Variants in CSMD3 observed in about 807,000 individuals in gnomAD.
CSMD3 encodes CUB and sushi domain-containing protein 3.
CSMD3 carries 177 observed loss-of-function variants against 435.2 expected under a neutral mutation model. The ratio of observed to expected loss-of-function variants is 0.41; its 90% CI spans 0.36 to 0.46. The LOEUF is 0.46. Among genes scored for constraint, CSMD3 ranks in the 20% least tolerant of loss-of-function variants. The pLI is 0.34. For missense variants in CSMD3, 4,265 were observed against 4,504.6 expected (o/e 0.95, Z 1.52); for synonymous variants, 1,656 against 1,520.5 (o/e 1.09, Z -2.07).
At chr8:112,451,446 T>C (rs1004227956) in intron 32 of CSMD3, among the ~76,000 whole-genome samples, 8 of 152,000 alleles carry the variant, frequency 5.3e-5, no homozygotes, top group African/African-American at 1.9e-4. Context: ...AAAGTAAAAG[T>C]TTTTTTTACA....
chr8:112,533,842 C>T (rs1175886535), intron 27 of CSMD3, among the ~76,000 whole-genome samples: 1 of 152,052 alleles, frequency 6.6e-6, no homozygotes, highest in Non-Finnish European at 1.5e-5. Context: ...GCACCAGGAA[C>T]ATTCTCTGAG....
chr8:112,490,951 A>T (rs1820628523), intron 31 of CSMD3, among the ~76,000 whole-genome samples: 1 of 152,106 alleles, frequency 6.6e-6, no homozygotes, highest in Non-Finnish European at 1.5e-5. Context: ...TTGCCTTCTG[A>T]TAGATGAACC....
At chr8:113,241,023 A>G (rs1036563001) in intron 3 of CSMD3, among the ~76,000 whole-genome samples, 2 of 152,268 alleles carry the variant, frequency 1.3e-5, no homozygotes, top group African/African-American at 4.8e-5. Flanking sequence ...TGGTAGAAAC[A>G]TATTATCAAG....
At chr8:112,924,295 G>A (rs575008291) in intron 9 of CSMD3, among the ~76,000 whole-genome samples, 4 of 152,148 alleles carry the variant, frequency 2.6e-5, no homozygotes, top group African/African-American at 9.7e-5. Context: ...GAGATGTTAT[G>A]ATGGCAACAA....
At chr8:113,242,706 T>C (rs2132253036) in intron 3 of CSMD3, among the ~76,000 whole-genome samples, 1 of 152,158 alleles carries the variant, frequency 6.6e-6, no homozygotes, top group South Asian at 2.1e-4. Context: ...TATGCAATTT[T>C]TAAACATGAA....
intron 27 of CSMD3, among the ~76,000 whole-genome samples, chr8:112,523,461 G>A (rs1824521198): frequency 6.6e-6 from 1 of 151,902 alleles, no homozygotes; most frequent in Non-Finnish European, 1.5e-5. Flanking sequence ...CCATGTGTCA[G>A]GAGACTTAGC....
chr8:113,072,938 T>G (rs2131412512), intron 5 of CSMD3, among the ~76,000 whole-genome samples: 1 of 151,778 alleles, frequency 6.6e-6, no homozygotes, highest in Non-Finnish European at 1.5e-5. Flanking sequence ...CCATCCTTAC[T>G]CAACAATAAC....
intron 1 of CSMD3, among the ~76,000 whole-genome samples, chr8:113,369,599 G>T (rs554229207): frequency 6.6e-6 from 1 of 151,966 alleles, no homozygotes; most frequent in South Asian, 2.1e-4. Flanking sequence ...AGAGATATCT[G>T]AATTCCCATA....
intron 7 of CSMD3, among the ~76,000 whole-genome samples, chr8:112,969,596 A>G (rs1002298045): frequency 3.9e-5 from 6 of 152,012 alleles, no homozygotes; most frequent in Non-Finnish European, 7.4e-5. Flanking sequence ...ACCTCATAAC[A>G]TATATTTATT....
chr8:113,435,950 G>A (rs1196771477), intron 1 of CSMD3, among the ~76,000 whole-genome samples: 1 of 151,940 alleles, frequency 6.6e-6, no homozygotes, highest in African/African-American at 2.4e-5. Context: ...CACTCTACCT[G>A]TCTGAACGCT....
intron 2 of CSMD3, among the ~76,000 whole-genome samples, chr8:113,296,842 A>T (rs1253901143): frequency 6.6e-6 from 1 of 152,176 alleles, no homozygotes; most frequent in Non-Finnish European, 1.5e-5. Context: ...CCCCATCACG[A>T]AAACCATTTT....
intron 10 of CSMD3, among the ~76,000 whole-genome samples, chr8:112,908,344 C>A (rs891433670): frequency 3.3e-5 from 5 of 151,366 alleles, no homozygotes; most frequent in Admixed American, 2.0e-4. Context: ...CCTTAAATGT[C>A]TTTCTTTAAA....
At chr8:112,851,917 C>T (rs191729036) in intron 11 of CSMD3, among the ~76,000 whole-genome samples, 1 of 151,942 alleles carries the variant, frequency 6.6e-6, no homozygotes, top group African/African-American at 2.4e-5. Context: ...TGAGAGGACA[C>T]CTATTAGATA....
intron 25 of CSMD3, among the ~76,000 whole-genome samples, chr8:112,555,938 C>T (rs923363116): frequency 6.6e-6 from 1 of 151,794 alleles, no homozygotes; most frequent in Non-Finnish European, 1.5e-5. Flanking sequence ...CCATATAGGC[C>T]TGACACAGAA....
chr8:113,428,246 ATCTATCTATCTATCTT>A (rs1481933345), intron 1 of CSMD3, among the ~76,000 whole-genome samples: 97 of 145,028 alleles, frequency 6.7e-4, no homozygotes, highest in African/African-American at 2.3e-3. Context: ...CTATCTATCT[ATCTATCTATCTATCTT>A]TCTGTCTAAT....
chr8:112,669,944 GA>G (rs2075618262), intron 16 of CSMD3, among the ~76,000 whole-genome samples: 1 of 152,124 alleles, frequency 6.6e-6, no homozygotes, highest in South Asian at 2.1e-4. Flanking sequence ...TTTGACTCTA[GA>G]AAAATTCTTT....
chr8:112,509,415 C>T (rs1368118792), intron 28 of CSMD3, among the ~76,000 whole-genome samples: 5 of 152,026 alleles, frequency 3.3e-5, no homozygotes, highest in Admixed American at 1.3e-4. Context: ...ATGGTCCTTT[C>T]TACCTCTCAT....
At chr8:112,463,521 T>C (rs959698028) in intron 32 of CSMD3, among the ~76,000 whole-genome samples, 4 of 152,198 alleles carry the variant, frequency 2.6e-5, no homozygotes, top group Non-Finnish European at 5.9e-5. Context: ...AACTTGCACT[T>C]AGAGCTATGC....
chr8:112,850,733 C>T (rs1164304010), intron 11 of CSMD3, among the ~76,000 whole-genome samples: 1 of 152,172 alleles, frequency 6.6e-6, no homozygotes, highest in Non-Finnish European at 1.5e-5. Context: ...TTCTTCTTCA[C>T]TTTCTATGTC....
Sources: allele counts gnomAD v4.1 joint callset (sites outside exome capture counted in the v4.1 genomes callset), GRCh38; gene constraint gnomAD v4.1.1; transcripts MANE v1.5; gene names NCBI Gene and HGNC (gene_info 2026-07-23, HGNC 2026-07-21).